The following AGAP1 variants were observed in gnomAD, a reference collection of about 807,000 sequenced individuals.
AGAP1 encodes arf-GAP with GTPase, ANK repeat and PH domain-containing protein 1.
In AGAP1, 29 loss-of-function variants were observed where a neutral mutation model predicts 105.3. That is an observed-to-expected ratio of 0.28 (90% CI 0.21 to 0.38). AGAP1 has a LOEUF of 0.38. Among genes scored for constraint, AGAP1 ranks in the 10% least tolerant of loss-of-function variants. The probability of loss-of-function intolerance (pLI) is 1.00; values close to 1 mark genes in which losing one functional copy is unlikely to be tolerated. For missense variants in AGAP1, 998 were observed against 1,165.1 expected (o/e 0.86, Z 2.09); for synonymous variants, 509 against 485.9 (o/e 1.05, Z -0.63).
intron 9 of AGAP1, among the ~76,000 whole-genome samples, chr2:235,823,750 T>G (rs1280675854): frequency 2.0e-5 from 3 of 152,246 alleles, no homozygotes; most frequent in Middle Eastern, 3.2e-3. Flanking sequence ...TTAAGCTTCA[T>G]GCTGTTTTAT....
At chr2:235,916,883 A>G (rs188873504) in intron 11 of AGAP1, among the ~76,000 whole-genome samples, 2 of 152,344 alleles carry the variant, frequency 1.3e-5, no homozygotes, top group East Asian at 1.9e-4. Context: ...CATGCTCCCC[A>G]ACAGACAGCA....
In AGAP1 at chr2:235,939,614, C is replaced by T. The variant is rs141250159; in HGVS notation, c.1483+8691C>T. ...TACCACCCACATTCTCTTCAACCCTCTCCCATGTGTCATCAGCCCAGCACC... is the reference window on the plus strand; with the variant it reads ...TACCACCCACATTCTCTTCAACCCTTTCCCATGTGTCATCAGCCCAGCACC... On this transcript the variant is annotated intron_variant, in intron 12 of 17. Coordinates refer to ENST00000304032, the MANE Select transcript of AGAP1 (RefSeq NM_001037131.3). Among the ~76,000 whole-genome samples the T allele has an allele frequency of 2.7e-3, 409 of 151,892 alleles. 1 individual carries two copies. The highest frequency in any genetic ancestry group is 4.8e-3 in the Non-Finnish European group (324 of 67,968).
chr2:235,546,658 C>T (rs1180939680), intron 1 of AGAP1, among the ~76,000 whole-genome samples: 3 of 151,828 alleles, frequency 2.0e-5, no homozygotes, highest in Non-Finnish European at 4.4e-5. Flanking sequence ...TGTGTGGGGG[C>T]ATCATTGGGA....
intron 1 of AGAP1, among the ~76,000 whole-genome samples, chr2:235,587,875 C>T (rs372363626): frequency 3.3e-5 from 5 of 152,130 alleles, no homozygotes; most frequent in Non-Finnish European, 7.4e-5. Flanking sequence ...GCTCCTTCCA[C>T]GCCTGCCCGG....
Position 235,566,783 on chromosome 2 carries a change from T to G in AGAP1, c.163+71934T>G, listed in dbSNP as rs1266723958. Among the ~76,000 whole-genome samples, 2 of 152,220 alleles carry G rather than the reference T, an allele frequency of 1.3e-5. No individual in the cohort carries two copies. Among genetic ancestry groups the G allele is most frequent in the Non-Finnish European group, 2.9e-5 (2 of 68,036 alleles). On this transcript the variant is annotated intron_variant, in intron 1 of 17. Coordinates refer to ENST00000304032, the MANE Select transcript of AGAP1 (RefSeq NM_001037131.3). The surrounding 1 kb of genome is among the most constrained non-coding windows in gnomAD (Gnocchi z 5.2). ...TGAAGGGGGCCCCGTGTTAGTTTCCTGTGGCTGCCGTAACAGCCACAAACT... is the reference window on the plus strand; with the variant it reads ...TGAAGGGGGCCCCGTGTTAGTTTCCGGTGGCTGCCGTAACAGCCACAAACT...
chr2:235,797,920 G>T, intron 7 of AGAP1, 34 bp downstream of exon 7: 1 of 1,612,342 alleles, frequency 6.2e-7, no homozygotes, highest in Non-Finnish European at 8.5e-7. Flanking sequence ...CAGACTCTTA[G>T]AACCAAAGAC....
rs1265480456 is a variant in AGAP1 at position 235,734,579 on chromosome 2, CAACAGTAAA to C, written c.311-6381_311-6373del. Among the ~76,000 whole-genome samples the C allele has an allele frequency of 1.3e-5, 2 of 151,296 alleles. No homozygotes were observed. The highest frequency in any genetic ancestry group is 4.9e-5 in the African/African-American group (2 of 41,176). On this transcript the variant is annotated intron_variant, in intron 3 of 17. Coordinates refer to ENST00000304032, the MANE Select transcript of AGAP1 (RefSeq NM_001037131.3). The surrounding 1 kb of genome is among the most constrained non-coding windows in gnomAD (Gnocchi z 5.3). ...AAAAACCCTTTAAAAAGATAAAAAT[CAACAGTAAA>C]AAATGAAAGTTACAGACAGGTGTCT...
chr2:236,088,908 A>G (rs1288296474), intron 16 of AGAP1, among the ~76,000 whole-genome samples: 1 of 152,228 alleles, frequency 6.6e-6, no homozygotes, highest in East Asian at 1.9e-4. Flanking sequence ...GTTGCTTAAC[A>G]GGGCATTCGA....
rs1472987613 is a variant in AGAP1 at position 236,012,359 on chromosome 2, G to A, written c.1646-24202G>A. ...GCTGCAAGAGGTAAGTTGTACTCTT[G>A]AGGAGTGCAGCCTTCTCATGGCTAC... is the stretch of plus-strand genomic sequence containing the variant. On this transcript the variant is annotated intron_variant, in intron 13 of 17. Transcript: ENST00000304032. The surrounding 1 kb of genome is among the most constrained non-coding windows in gnomAD (Gnocchi z 4.9). 6.6e-6 allele frequency among the ~76,000 whole-genome samples: 1 copy of A among 152,080 alleles called. No individual in the cohort carries two copies. The highest frequency in any genetic ancestry group is 1.9e-4 in the East Asian group (1 of 5,186).
At position 236,105,325 on chromosome 2, in the gene AGAP1, G is replaced by A. The variant is rs751244101; in HGVS notation, c.2115-14867G>A. 1.4e-4 allele frequency among the ~76,000 whole-genome samples: 21 copies of A among 152,144 alleles called. No individual in the cohort carries two copies. The highest frequency in any genetic ancestry group is 5.9e-4 in the Admixed American group (9 of 15,278). On this transcript the variant is annotated intron_variant, in intron 16 of 17. Coordinates refer to ENST00000304032, the MANE Select transcript of AGAP1 (RefSeq NM_001037131.3). The surrounding 1 kb of genome is among the most constrained non-coding windows in gnomAD (Gnocchi z 4.2). The stretch of plus-strand genomic sequence containing the variant: ...GCCAGGTAAGGGGGAAAGATGGGCG[G>A]AGCGGGGGACCAAGGACAGAGAGGA...
intron 13 of AGAP1, among the ~76,000 whole-genome samples, chr2:235,997,408 T>C (rs776539196): frequency 2.6e-5 from 4 of 152,230 alleles, no homozygotes; most frequent in Non-Finnish European, 4.4e-5. Flanking sequence ...TTTTAAAATA[T>C]AACTCATAAT....
chr2:236,033,391 T>TA (rs1322140078), intron 13 of AGAP1, among the ~76,000 whole-genome samples: 6 of 152,218 alleles, frequency 3.9e-5, no homozygotes, highest in Non-Finnish European at 8.8e-5. Flanking sequence ...CATGCATAGG[T>TA]AAAATTTGTT....
At chr2:235,675,507 T>C (rs1011991171) in intron 1 of AGAP1, among the ~76,000 whole-genome samples, 2 of 152,242 alleles carry the variant, frequency 1.3e-5, no homozygotes, top group Non-Finnish European at 2.9e-5. Flanking sequence ...GGAAACTATG[T>C]AATTCAGTGT....
chr2:235,896,407 A>G (rs2050809530), intron 10 of AGAP1, among the ~76,000 whole-genome samples: 1 of 152,248 alleles, frequency 6.6e-6, no homozygotes, highest in South Asian at 2.1e-4. Flanking sequence ...GTGAGCATAC[A>G]GATAACTCTT....
At chr2:235,835,617 C>CA (rs986660693) in intron 9 of AGAP1, among the ~76,000 whole-genome samples, 1 of 152,126 alleles carries the variant, frequency 6.6e-6, no homozygotes, top group African/African-American at 2.4e-5. Flanking sequence ...CCGAGGAGGA[C>CA]AAGGGGTTCA....
At chr2:235,897,464 G>A (rs2124966359) in intron 10 of AGAP1, among the ~76,000 whole-genome samples, 2 of 152,240 alleles carry the variant, frequency 1.3e-5, no homozygotes, top group East Asian at 3.9e-4. Context: ...ATATATGTGT[G>A]TTTCTATAAA....
Position 235,843,874 on chromosome 2 carries a change from G to A in AGAP1, c.1050+36543G>A, listed in dbSNP as rs1178202661. Among the ~76,000 whole-genome samples, 1 of 152,146 alleles carries A rather than the reference G, an allele frequency of 6.6e-6. No homozygotes were observed. Among genetic ancestry groups the A allele is most frequent in the Non-Finnish European group, 1.5e-5 (1 of 68,024 alleles). On this transcript the variant is annotated intron_variant, in intron 9 of 17. Coordinates refer to ENST00000304032, the MANE Select transcript of AGAP1 (RefSeq NM_001037131.3). This position sits in a 1 kb window ranked among gnomAD's most constrained non-coding sequence, Gnocchi z 5.9. Reference sequence around the variant, plus strand: ...CACTTGGCACAGAATCTTCTTCCAGGCAGCCTCCTGGGCCGCCAGTGGTGT... The same window carrying A: ...CACTTGGCACAGAATCTTCTTCCAGACAGCCTCCTGGGCCGCCAGTGGTGT...
At chr2:235,997,296 T>C (rs2055859710) in intron 13 of AGAP1, among the ~76,000 whole-genome samples, 2 of 152,130 alleles carry the variant, frequency 1.3e-5, no homozygotes, top group Admixed American at 6.5e-5. Flanking sequence ...TCCATGTTGG[T>C]CAGGCTGGTC....
chr2:235,496,091 G>A (rs1941308524), intron 1 of AGAP1, among the ~76,000 whole-genome samples: 2 of 152,234 alleles, frequency 1.3e-5, no homozygotes, highest in South Asian at 4.1e-4. Flanking sequence ...AAGTGCTTTG[G>A]TTTGAAACTT....
Sources: gnomAD v4.1 joint callset for allele counts (sites outside exome capture counted in the v4.1 genomes callset) on GRCh38, gnomAD v4.1.1 for gene constraint, Gnocchi (gnomAD v3.1) non-coding constraint, MANE v1.5 for transcripts, NCBI Gene and HGNC (gene_info 2026-07-23, HGNC 2026-07-21) for gene names.